Variants in CLEC2A observed in about 807,000 individuals in gnomAD.
The protein encoded by CLEC2A is keratinocyte-associated C-type lectin.
In CLEC2A, 19 loss-of-function variants were observed where a neutral mutation model predicts 18.6. The ratio of observed to expected loss-of-function variants is 1.02; its 90% CI spans 0.71 to 1.50. The LOEUF is 1.50. Among genes scored for constraint, CLEC2A ranks in the 40% most tolerant of loss-of-function variants. The pLI is 0.00. For synonymous variants in CLEC2A, 74 were observed against 64.0 expected (o/e 1.16, Z -0.75); for missense variants, 190 against 207.9 (o/e 0.91, Z 0.53).
intron 4 of CLEC2A, among the ~76,000 whole-genome samples, chr12:9,914,781 T>C (rs1313271818): frequency 6.6e-6 from 1 of 152,108 alleles, no homozygotes; most frequent in Non-Finnish European, 1.5e-5. Context: ...ATCTAGGCAA[T>C]ATCATTCAGG....
chr12:9,929,487 A>G (rs1218440851), intron 1 of CLEC2A, among the ~76,000 whole-genome samples: 1 of 152,176 alleles, frequency 6.6e-6, no homozygotes, highest in African/African-American at 2.4e-5. Flanking sequence ...ATAGACATTG[A>G]ATGTTATCAT....
chr12:9,919,584 T>C (rs886065144), intron 3 of CLEC2A, among the ~76,000 whole-genome samples: 1 of 152,250 alleles, frequency 6.6e-6, no homozygotes. Context: ...GAGCTGCTAC[T>C]GGCTCAATAG....
chr12:9,895,712 A>G, downstream of CLEC2A: 3 of 1,534,460 alleles, frequency 2.0e-6, no homozygotes, highest in Non-Finnish European at 2.6e-6. Flanking sequence ...GGACCAACTG[A>G]TGACAGGAGC....
chr12:9,898,695 T>G (rs1862785334), exon 5 of CLEC2A: 2 of 479,498 alleles, frequency 4.2e-6, no homozygotes, highest in South Asian at 9.1e-5. Flanking sequence ...TGTAGTTTAT[T>G]CTACATTATC....
At chr12:9,890,246 A>G in the CLEC2A span, among the ~76,000 whole-genome samples, 1 of 152,206 alleles carries the variant, frequency 6.6e-6, no homozygotes, top group Non-Finnish European at 1.5e-5. Flanking sequence ...TATATAACAA[A>G]TTACCACACA....
In CLEC2A at chr12:9,926,330, T is replaced by C. The variant is rs1458813928; in HGVS notation, c.69A>G (p.Ile23Met). 6.5e-7 allele frequency: 1 copy of C among 1,547,822 alleles called. No individual in the cohort carries two copies. The highest frequency in any genetic ancestry group is 8.7e-7 in the Non-Finnish European group (1 of 1,143,906). Residue 23 changes from isoleucine (I) to methionine (M), a missense_variant, in exon 2 of 5, where the codon ATA becomes ATG. Transcript: ENST00000455827. The part of the protein sequence containing the change: ...GFIHRIVPKL[I>M]QNWKIGLMCF... ...ACATAAGGCCAATCTTCCAGTTTTGTATCAACTTGGGAACTGCAAATTAAA... is the reference window on the plus strand; with the variant it reads ...ACATAAGGCCAATCTTCCAGTTTTGCATCAACTTGGGAACTGCAAATTAAA...
chr12:9,907,453 G>C (rs186627069), intron 4 of CLEC2A, among the ~76,000 whole-genome samples: 29 of 152,212 alleles, frequency 1.9e-4, no homozygotes, highest in African/African-American at 5.8e-4. Context: ...CTTAGTTTGA[G>C]GCAAAGGTAA....
chr12:9,887,041 A>C, the CLEC2A span, among the ~76,000 whole-genome samples: 1 of 152,152 alleles, frequency 6.6e-6, no homozygotes, highest in Admixed American at 6.5e-5. Context: ...ATATAAGAGG[A>C]TATCTGAGAT....
At chr12:9,887,238 G>A in the CLEC2A span, among the ~76,000 whole-genome samples, 1 of 152,032 alleles carries the variant, frequency 6.6e-6, no homozygotes, top group South Asian at 2.1e-4. Flanking sequence ...ACTAAGTTCG[G>A]AACAGAATAC....
intron 1 of CLEC2A, among the ~76,000 whole-genome samples, chr12:9,930,850 A>T (rs1591798627): frequency 6.6e-6 from 1 of 151,282 alleles, no homozygotes; most frequent in Non-Finnish European, 1.5e-5. Flanking sequence ...CTTTTCTGTC[A>T]TGTTTTTAAT....
At chr12:9,881,639 G>A in the CLEC2A span, 351 of 1,534,486 alleles carry the variant, frequency 2.3e-4, no homozygotes, top group Non-Finnish European at 2.7e-4. Context: ...TTCAAGAATC[G>A]TTGTAAATCG....
At chr12:9,909,830 T>A (rs1862957784), downstream of CLEC2A, among the ~76,000 whole-genome samples, 1 of 151,596 alleles carries the variant, frequency 6.6e-6, no homozygotes, top group Non-Finnish European at 1.5e-5. Context: ...AGGGGAGGGA[T>A]CTGGAGTGGG....
At chr12:9,927,465 TTA>T (rs202226059) in intron 1 of CLEC2A, among the ~76,000 whole-genome samples, 1 of 152,170 alleles carries the variant, frequency 6.6e-6, no homozygotes, top group Non-Finnish European at 1.5e-5. Context: ...TAAACACAGA[TTA>T]TATATATGTA....
At chr12:9,877,862 G>A in the CLEC2A span, among the ~76,000 whole-genome samples, 4 of 152,170 alleles carry the variant, frequency 2.6e-5, no homozygotes, top group Admixed American at 1.3e-4. Context: ...AATATATACA[G>A]AGGAATAGTC....
intron 4 of CLEC2A, among the ~76,000 whole-genome samples, chr12:9,906,682 G>A (rs372894247): frequency 3.3e-5 from 5 of 152,100 alleles, no homozygotes; most frequent in South Asian, 2.1e-4. Context: ...TTCCTGACCC[G>A]ATTTCTACTA....
At chr12:9,899,208 C>T (rs1224831937) in intron 4 of CLEC2A, among the ~76,000 whole-genome samples, 2 of 151,938 alleles carry the variant, frequency 1.3e-5, no homozygotes, top group African/African-American at 4.8e-5. Flanking sequence ...ACTAGTTTAA[C>T]GTTTGGGAAA....
intron 4 of CLEC2A, among the ~76,000 whole-genome samples, chr12:9,916,433 A>T (rs777070357): frequency 3.9e-5 from 6 of 152,196 alleles, no homozygotes; most frequent in Non-Finnish European, 8.8e-5. Context: ...CTAATTGTCA[A>T]GCAAGAGCTT....
At chr12:9,920,760 C>T (rs1287734077) in intron 3 of CLEC2A, among the ~76,000 whole-genome samples, 2 of 152,148 alleles carry the variant, frequency 1.3e-5, no homozygotes, top group African/African-American at 4.8e-5. Context: ...ACTCTGTGTC[C>T]CTAGAGTCCA....
the CLEC2A span, among the ~76,000 whole-genome samples, chr12:9,891,570 C>A: frequency 6.6e-6 from 1 of 152,174 alleles, no homozygotes; most frequent in Non-Finnish European, 1.5e-5. Flanking sequence ...CCTCTCAAAT[C>A]ATAACTTGGG....
Sources: allele counts gnomAD v4.1 joint callset (sites outside exome capture counted in the v4.1 genomes callset), GRCh38; gene constraint gnomAD v4.1.1; transcripts MANE v1.5; gene names NCBI Gene and HGNC (gene_info 2026-07-23, HGNC 2026-07-21).